ERBB4: variants seen among roughly 807,000 people sequenced by gnomAD.
The protein encoded by ERBB4 is erb-b2 receptor tyrosine kinase 4, also known as receptor tyrosine-protein kinase erbB-4.
Under a neutral mutation model 158.0 loss-of-function variants are expected in ERBB4, and 42 were observed. The ratio of observed to expected loss-of-function variants is 0.27; its 90% CI spans 0.21 to 0.34. The LOEUF is 0.34. Among genes scored for constraint, ERBB4 ranks in the 10% least tolerant of loss-of-function variants. The pLI, the probability that ERBB4 is intolerant of heterozygous loss-of-function variation, is 1.00. For missense variants in ERBB4, 1,333 were observed against 1,624.1 expected (o/e 0.82, Z 3.08); for synonymous variants, 583 against 558.7 (o/e 1.04, Z -0.61).
chr2:212,307,626 A>G (rs1226208795), intron 1 of ERBB4, among the ~76,000 whole-genome samples: 3 of 151,060 alleles, frequency 2.0e-5, no homozygotes, highest in African/African-American at 7.3e-5. Context: ...TAGAGAATTG[A>G]GGAGAATAAA....
chr2:211,976,992 A>G (rs568023049), intron 2 of ERBB4, among the ~76,000 whole-genome samples: 1 of 152,352 alleles, frequency 6.6e-6, no homozygotes, highest in South Asian at 2.1e-4. Flanking sequence ...AAAAATGTTA[A>G]TGACATCTTT....
chr2:212,319,105 T>C (rs1296328542), intron 1 of ERBB4, among the ~76,000 whole-genome samples: 2 of 151,642 alleles, frequency 1.3e-5, no homozygotes, highest in Non-Finnish European at 3.0e-5. Context: ...GGCAGCTCAT[T>C]TTGTGGCACA....
At chr2:212,429,506 C>A (rs1165945804) in intron 1 of ERBB4, among the ~76,000 whole-genome samples, 1 of 152,116 alleles carries the variant, frequency 6.6e-6, no homozygotes, top group Non-Finnish European at 1.5e-5. Flanking sequence ...AACTAAGAAT[C>A]CCCCTCTAAA....
chr2:212,416,423 G>C (rs986857117), intron 1 of ERBB4, among the ~76,000 whole-genome samples: 1 of 151,990 alleles, frequency 6.6e-6, no homozygotes, highest in South Asian at 2.1e-4. Flanking sequence ...GATGCAACCC[G>C]TACTTAGGAA....
chr2:212,315,637 T>C (rs1348157925), intron 1 of ERBB4, among the ~76,000 whole-genome samples: 1 of 151,060 alleles, frequency 6.6e-6, no homozygotes, highest in Non-Finnish European at 1.5e-5. Flanking sequence ...ACAAATATCC[T>C]GCCTTATCTG....
intron 1 of ERBB4, among the ~76,000 whole-genome samples, chr2:212,149,465 C>T (rs1009517738): frequency 2.0e-5 from 3 of 152,006 alleles, no homozygotes; most frequent in Admixed American, 6.6e-5. Context: ...CTTATGAAAT[C>T]GGATAATATT....
chr2:211,965,454 A>G (rs1025968129), intron 2 of ERBB4, among the ~76,000 whole-genome samples: 3 of 152,176 alleles, frequency 2.0e-5, no homozygotes, highest in African/African-American at 7.2e-5. Context: ...ATATAGTCAC[A>G]TTTGAATAAA....
intron 1 of ERBB4, among the ~76,000 whole-genome samples, chr2:212,526,425 C>T (rs1228620085): frequency 1.3e-5 from 2 of 151,866 alleles, no homozygotes; most frequent in African/African-American, 4.8e-5. Context: ...AATTTTTATC[C>T]TGTATTTAGA....
At chr2:212,088,986 A>G (rs904024652) in intron 2 of ERBB4, among the ~76,000 whole-genome samples, 7 of 152,120 alleles carry the variant, frequency 4.6e-5, no homozygotes, top group Admixed American at 1.3e-4. Context: ...AAACAAAAAC[A>G]AACAAATATG....
chr2:212,179,727 T>C (rs1239928145), intron 1 of ERBB4, among the ~76,000 whole-genome samples: 1 of 151,642 alleles, frequency 6.6e-6, no homozygotes, highest in African/African-American at 2.4e-5. Flanking sequence ...AAATCATAGA[T>C]GATAGATATT....
rs1025102944 is a variant in ERBB4 at position 212,094,869 on chromosome 2, C to A, written c.234+29883G>T. Among the ~76,000 whole-genome samples the A allele has an allele frequency of 2.0e-5, 3 of 152,066 alleles. No homozygotes were observed. In the East Asian group the frequency reaches 5.8e-4, roughly 29 times the overall value. ...TTAGTGAAATTATAGACATATATGT[C>A]ATAAAGATTATTTATTACATTTATA... On this transcript the variant is annotated intron_variant, in intron 2 of 27. Transcript: ENST00000342788.
chr2:212,184,950 T>C (rs1319306311), intron 1 of ERBB4, among the ~76,000 whole-genome samples: 1 of 152,058 alleles, frequency 6.6e-6, no homozygotes, highest in Non-Finnish European at 1.5e-5. Context: ...CACGGTCCTC[T>C]GTTCATAACA....
intron 4 of ERBB4, among the ~76,000 whole-genome samples, chr2:211,773,443 C>T (rs2075766412): frequency 6.7e-6 from 1 of 149,410 alleles, no homozygotes. Flanking sequence ...AGTAATAATA[C>T]TTGCAATGCA....
intron 4 of ERBB4, among the ~76,000 whole-genome samples, chr2:211,774,640 G>C (rs189517427): frequency 2.0e-5 from 3 of 152,088 alleles, no homozygotes; most frequent in Non-Finnish European, 2.9e-5. Flanking sequence ...TATGTCACTG[G>C]GCAGGCAGTG....
At chr2:212,146,333 C>T (rs112180797) in intron 1 of ERBB4, among the ~76,000 whole-genome samples, 14 of 152,064 alleles carry the variant, frequency 9.2e-5, no homozygotes, top group East Asian at 1.9e-4. Context: ...TGCCTTTTGC[C>T]GATGTCACCC....
Position 211,418,423 on chromosome 2 carries a change from T to C in ERBB4, c.3135+2018A>G, listed in dbSNP as rs1044952653. Among the ~76,000 whole-genome samples the C allele has an allele frequency of 9.9e-5, 15 of 152,142 alleles. No homozygotes were observed. In the East Asian group the frequency reaches 2.9e-3, roughly 29 times the overall value. ...ACAATGATATTTAATCACCATTTCT[T>C]TTCCAAGGACTGAAAAAGTAAAAAG... On this transcript the variant is annotated intron_variant, in intron 25 of 27. Transcript: ENST00000342788.
intron 2 of ERBB4, among the ~76,000 whole-genome samples, chr2:211,992,467 T>C (rs2125256946): frequency 6.7e-6 from 1 of 150,084 alleles, no homozygotes; most frequent in East Asian, 2.0e-4. Flanking sequence ...ACAATTCAAG[T>C]TGAGATTTGA....
At chr2:212,114,646 G>C (rs1163141380) in intron 2 of ERBB4, among the ~76,000 whole-genome samples, 1 of 152,192 alleles carries the variant, frequency 6.6e-6, no homozygotes, top group Non-Finnish European at 1.5e-5. Flanking sequence ...GCCTCATTGA[G>C]TTTTTGATGA....
At chr2:211,393,740 C>CATGTGTGTGTGTGTGT (rs1391184856) in intron 25 of ERBB4, among the ~76,000 whole-genome samples, 1 of 146,240 alleles carries the variant, frequency 6.8e-6, no homozygotes, top group South Asian at 2.2e-4. Flanking sequence ...GAGTTAATAG[C>CATGTGTGTGTGTGTGT]GTGTGTGTGT....
Sources: allele counts gnomAD v4.1 joint callset (sites outside exome capture counted in the v4.1 genomes callset), GRCh38; gene constraint gnomAD v4.1.1; transcripts MANE v1.5; gene names NCBI Gene and HGNC (gene_info 2026-07-23, HGNC 2026-07-21).